Variants in RAMP1 observed in about 807,000 individuals in gnomAD.
The protein encoded by RAMP1 is receptor activity-modifying protein 1.
RAMP1 carries 7 observed loss-of-function variants against 8.2 expected under a neutral mutation model. That is an observed-to-expected ratio of 0.85 (90% CI 0.49 to 1.60). The LOEUF is 1.60. Ranked by LOEUF, RAMP1 falls within the 40% of genes most tolerant of loss-of-function variation. The pLI, the probability that RAMP1 is intolerant of heterozygous loss-of-function variation, is 0.00. For missense variants in RAMP1, 192 were observed against 202.4 expected (o/e 0.95, Z 0.31); for synonymous variants, 92 against 84.7 (o/e 1.09, Z -0.47).
At chr2:237,909,307 A>G (rs1244648832) in intron 2 of RAMP1, among the ~76,000 whole-genome samples, 1 of 152,240 alleles carries the variant, frequency 6.6e-6, no homozygotes, top group Non-Finnish European at 1.5e-5. Flanking sequence ...CTACAAAACA[A>G]TGGGTAACAG....
intron 1 of RAMP1, among the ~76,000 whole-genome samples, chr2:237,860,312 T>C (rs1204545232): frequency 6.6e-6 from 1 of 152,258 alleles, no homozygotes; most frequent in Non-Finnish European, 1.5e-5. Context: ...TTCGGGACAC[T>C]TCCATCGCTT....
chr2:237,892,174 T>TAA (rs1406460617), intron 2 of RAMP1, among the ~76,000 whole-genome samples: 3 of 152,216 alleles, frequency 2.0e-5, no homozygotes, highest in African/African-American at 7.2e-5. Context: ...TTTTCAATCT[T>TAA]CAGGCACTCC....
At chr2:237,890,977 T>G (rs1458275132) in intron 2 of RAMP1, among the ~76,000 whole-genome samples, 2 of 152,170 alleles carry the variant, frequency 1.3e-5, no homozygotes, top group African/African-American at 4.8e-5. Flanking sequence ...TCCCCCCTTT[T>G]CCCTTTCTTA....
intron 2 of RAMP1, among the ~76,000 whole-genome samples, chr2:237,910,812 AAG>A (rs1470722029): frequency 1.3e-5 from 2 of 151,150 alleles, no homozygotes; most frequent in African/African-American, 2.4e-5. Context: ...CACAGTCACA[AAG>A]AGAATAATAG....
At chr2:237,890,923 C>T (rs73094308) in intron 2 of RAMP1, among the ~76,000 whole-genome samples, 9,310 of 152,200 alleles carry the variant, frequency 0.061, 649 homozygotes, top group African/African-American at 0.17. Context: ...TTTGCATCAC[C>T]GTGTCTTTTC....
intron 1 of RAMP1, among the ~76,000 whole-genome samples, chr2:237,869,151 C>A (rs940773897): frequency 1.3e-4 from 20 of 152,186 alleles, no homozygotes; most frequent in Non-Finnish European, 2.6e-4. Flanking sequence ...TTTCCCTGGG[C>A]ACGTGTTGCT....
chr2:237,888,209 A>G (rs1417392554), intron 2 of RAMP1, among the ~76,000 whole-genome samples: 1 of 152,066 alleles, frequency 6.6e-6, no homozygotes, highest in African/African-American at 2.4e-5. Flanking sequence ...GCCTGCCACC[A>G]TGCCTAGCTA....
At chr2:237,881,976 A>G (rs1480733735) in intron 2 of RAMP1, among the ~76,000 whole-genome samples, 1 of 150,182 alleles carries the variant, frequency 6.7e-6, no homozygotes. Flanking sequence ...AAGGGAAAAG[A>G]GGGATTTGCC....
chr2:237,906,741 T>TTTA (rs1216001024), intron 2 of RAMP1, among the ~76,000 whole-genome samples: 1 of 148,184 alleles, frequency 6.7e-6, no homozygotes, highest in Non-Finnish European at 1.5e-5. Context: ...TTTTTTTTTT[T>TTTA]AAAGACAGTC....
At position 237,885,667 on chromosome 2, in the gene RAMP1, G is replaced by A. The variant is rs189296585; in HGVS notation, c.191+8305G>A. 3.1e-3 allele frequency among the ~76,000 whole-genome samples: 470 copies of A among 152,264 alleles called. 2 individuals are homozygous for A. Among genetic ancestry groups the A allele is most frequent in the Non-Finnish European group, 5.4e-3 (365 of 67,996 alleles). ...GGCGAGCATTGCCCAGGCCGAGGCC[G>A]CCCTCCCTGCCTACTGACCTCCCTG... On this transcript the variant is annotated intron_variant, in intron 2 of 2. Transcript: ENST00000254661.
chr2:237,882,413 A>G lies in RAMP1; in HGVS notation c.191+5051A>G, dbSNP rs1225180323. On this transcript the variant is annotated intron_variant, in intron 2 of 2. Transcript: ENST00000254661. The stretch of plus-strand genomic sequence containing the variant: ...GCTTTGTGTCGAGCACGTAACGTAC[A>G]TTGGCTTTTTGAGGTCAGCAGCAGC... 2.6e-5 allele frequency among the ~76,000 whole-genome samples: 4 copies of G among 152,160 alleles called. No individual in the cohort carries two copies. In the East Asian group the frequency reaches 7.7e-4, roughly 29 times the overall value.
At chr2:237,897,895 T>C (rs1345557971) in intron 2 of RAMP1, among the ~76,000 whole-genome samples, 1 of 151,824 alleles carries the variant, frequency 6.6e-6, no homozygotes, top group Non-Finnish European at 1.5e-5. Context: ...ACCTCCCGAG[T>C]TCAAGCCATT....
intron 2 of RAMP1, among the ~76,000 whole-genome samples, chr2:237,883,722 G>T (rs1484404636): frequency 1.3e-5 from 2 of 151,298 alleles, no homozygotes; most frequent in African/African-American, 4.9e-5. Flanking sequence ...AGGCTGAGGC[G>T]GGAGGATCAC....
chr2:237,911,716 T>A lies in RAMP1; in HGVS notation c.380T>A (p.Ile127Asn), dbSNP rs1300769871. The stretch of plus-strand genomic sequence containing the variant: ...CTCTACCCCTTCATCGTGGTCCCCA[T>A]CACGGTGACCCTGCTGGTGACGGCA... ...SILYPFIVVPITVTLLVTALV... is the reference protein window; with the variant it reads ...SILYPFIVVPNTVTLLVTALV... The change falls in exon 3 of 3, where the codon ATC (isoleucine) becomes AAC (asparagine). Residue 127 changes from isoleucine to asparagine, a missense_variant. Ile to Asn is a moderately radical substitution (Grantham distance 149). Coordinates refer to ENST00000254661, the MANE Select transcript of RAMP1 (RefSeq NM_005855.4). 4 of 1,613,702 alleles carry A rather than the reference T, an allele frequency of 2.5e-6. No homozygotes were observed. The highest frequency in any genetic ancestry group is 1.7e-5 in the Admixed American group (1 of 59,996).
At chr2:237,885,922 G>A (rs1178264223) in intron 2 of RAMP1, among the ~76,000 whole-genome samples, 1 of 152,238 alleles carries the variant, frequency 6.6e-6, no homozygotes, top group East Asian at 1.9e-4. Context: ...CAGCCCCGCG[G>A]GAGGCAGAGG....
chr2:237,888,495 C>CA (rs142710114), intron 2 of RAMP1, among the ~76,000 whole-genome samples: 11,819 of 152,190 alleles, frequency 0.078, 1,514 homozygotes, highest in African/African-American at 0.27. Flanking sequence ...TTTTGCAGGT[C>CA]AAAGGAGATT....
chr2:237,870,891 A>C (rs3769036), intron 1 of RAMP1, among the ~76,000 whole-genome samples: 24,715 of 152,104 alleles, frequency 0.16, 2,140 homozygotes, highest in African/African-American at 0.23. Context: ...GTGCACAGCA[A>C]CCCCATCCAG....
intron 2 of RAMP1, among the ~76,000 whole-genome samples, chr2:237,907,433 C>A (rs1308444790): frequency 6.6e-6 from 1 of 152,164 alleles, no homozygotes; most frequent in Non-Finnish European, 1.5e-5. Flanking sequence ...CTGGGACTCT[C>A]ACATTATGAG....
chr2:237,904,017 G>A (rs956515879), intron 2 of RAMP1, among the ~76,000 whole-genome samples: 6 of 152,220 alleles, frequency 3.9e-5, no homozygotes, highest in Admixed American at 6.5e-5. Flanking sequence ...GGGTTTACAC[G>A]TGTGAGCCAC....
Sources: gnomAD v4.1 joint callset for allele counts (sites outside exome capture counted in the v4.1 genomes callset) on GRCh38, gnomAD v4.1.1 for gene constraint, MANE v1.5 for transcripts, NCBI Gene and HGNC (gene_info 2026-07-23, HGNC 2026-07-21) for gene names.